ZMYND8: variants seen among roughly 807,000 people sequenced by gnomAD.
The protein encoded by ZMYND8 is MYND-type zinc finger-containing chromatin reader ZMYND8.
A neutral mutation model predicts 140.8 loss-of-function variants in ZMYND8; 37 were observed. That is an observed-to-expected ratio of 0.26 (90% CI 0.20 to 0.35). ZMYND8 has a LOEUF of 0.35. Ranked by LOEUF, ZMYND8 falls within the 10% of genes least tolerant of loss-of-function variation. The pLI, the probability that ZMYND8 is intolerant of heterozygous loss-of-function variation, is 1.00. For synonymous variants in ZMYND8, 592 were observed against 597.1 expected, an observed-to-expected ratio of 0.99 and a Z score of 0.12; for missense variants, 1,068 against 1,570.0, an observed-to-expected ratio of 0.68 and a Z score of 5.40.
At chr20:47,239,279 G>T in intron 14 of ZMYND8, 141 bp from the exon 15 acceptor site, 1 of 1,139,726 alleles carries the variant, frequency 8.8e-7, no homozygotes, top group Non-Finnish European at 1.2e-6. Flanking sequence ...AGCACACCGC[G>T]CTGGAGGAGT....
At chr20:47,242,025 G>A (rs1011622859) in intron 14 of ZMYND8, among the ~76,000 whole-genome samples, 4 of 151,934 alleles carry the variant, frequency 2.6e-5, no homozygotes, top group Non-Finnish European at 5.9e-5. Context: ...CACTGTGTTA[G>A]CCAGGATGGT....
chr20:47,262,953 G>C (rs2075263044), intron 11 of ZMYND8, among the ~76,000 whole-genome samples: 1 of 152,192 alleles, frequency 6.6e-6, no homozygotes, highest in African/African-American at 2.4e-5. Flanking sequence ...GCCAAACCCA[G>C]TACCAGATGG....
chr20:47,240,386 C>T (rs578007837), intron 14 of ZMYND8, among the ~76,000 whole-genome samples: 22 of 150,892 alleles, frequency 1.5e-4, no homozygotes, highest in Admixed American at 4.0e-4. Context: ...CGGTGGCAGG[C>T]GCCTGTAGTC....
intron 11 of ZMYND8, among the ~76,000 whole-genome samples, chr20:47,268,226 G>A (rs2075674365): frequency 6.6e-6 from 1 of 151,658 alleles, no homozygotes; most frequent in African/African-American, 2.4e-5. Flanking sequence ...GGAGGCGGAG[G>A]CAGATGCATC....
chr20:47,270,393 G>T lies in ZMYND8; in HGVS notation c.1480+5921C>A, dbSNP rs73130960. Among the ~76,000 whole-genome samples, 1,017 of 133,546 alleles carry T rather than the reference G, an allele frequency of 7.6e-3. 4 individuals carry two copies. The highest frequency in any genetic ancestry group is 0.013 in the East Asian group (62 of 4,610). 87.6% of individuals were successfully genotyped at this position (133,546 alleles called of 152,430 possible). A position where few individuals can be genotyped will look rare whatever the true frequency, so the allele number is the denominator to read the frequency against. ...CATCTCAAAAAAAAAAAAAAAAAAA[G>T]TTTTTTTAATGTATAAAAATAAAAA... On this transcript the variant is annotated intron_variant, in intron 11 of 22. Coordinates refer to ENST00000471951, the MANE Select transcript of ZMYND8 (RefSeq NM_001281775.3).
chr20:47,255,068 G>A (rs886587893), intron 12 of ZMYND8, among the ~76,000 whole-genome samples: 2 of 152,104 alleles, frequency 1.3e-5, no homozygotes, highest in Non-Finnish European at 2.9e-5. Context: ...GTTGCGGAGA[G>A]CCAGATCATG....
chr20:47,295,819 CA>C (rs1349288565), intron 4 of ZMYND8, among the ~76,000 whole-genome samples: 10 of 152,222 alleles, frequency 6.6e-5, no homozygotes, highest in Non-Finnish European at 1.5e-5. Context: ...CTTAAGGCTT[CA>C]GAATCCTTAT....
chr20:47,315,811 C>T (rs542880382), intron 2 of ZMYND8, among the ~76,000 whole-genome samples: 1 of 152,118 alleles, frequency 6.6e-6, no homozygotes, highest in Admixed American at 6.6e-5. Flanking sequence ...GGACCTGTGA[C>T]CCCGCCCGGC....
At chr20:47,353,037 C>T (rs899524667) in intron 1 of ZMYND8, 4 of 152,194 alleles carry the variant, frequency 2.6e-5, no homozygotes, top group Non-Finnish European at 5.9e-5. Context: ...ATTGAGGGTT[C>T]CCAGGCTGAC....
At chr20:47,328,556 C>G (rs1212635820) in intron 2 of ZMYND8, among the ~76,000 whole-genome samples, 1 of 151,854 alleles carries the variant, frequency 6.6e-6, no homozygotes, top group Non-Finnish European at 1.5e-5. Flanking sequence ...CTCTGCCTCC[C>G]AGGTTCAAGC....
chr20:47,213,662 G>GAA, intron 21 of ZMYND8, among the ~76,000 whole-genome samples: 1 of 152,182 alleles, frequency 6.6e-6, no homozygotes, highest in African/African-American at 2.4e-5. Context: ...CAAAAGAGGG[G>GAA]TCAAGAGATA....
intron 2 of ZMYND8, among the ~76,000 whole-genome samples, chr20:47,334,172 T>C (rs2081202172): frequency 6.6e-6 from 1 of 152,160 alleles, no homozygotes. Flanking sequence ...ATTGTTTGTT[T>C]ACCCTCGTGA....
intron 2 of ZMYND8, chr20:47,320,773 G>A (rs1302820992): frequency 6.6e-6 from 1 of 152,198 alleles, no homozygotes; most frequent in Non-Finnish European, 1.5e-5. Context: ...GTAGTGGGGT[G>A]ATTCTAAGAA....
intron 1 of ZMYND8, chr20:47,355,336 C>T (rs373807700): frequency 1.1e-5 from 6 of 534,894 alleles, no homozygotes; most frequent in Admixed American, 6.3e-5. Context: ...TTATTTTGTT[C>T]CTGCTAATGA....
chr20:47,343,175 C>CTTGGGAGGCTGAGGCAAGAGGACT (rs1307309471), intron 2 of ZMYND8, among the ~76,000 whole-genome samples: 52 of 152,064 alleles, frequency 3.4e-4, no homozygotes, highest in African/African-American at 1.3e-3. Flanking sequence ...GTCCCAGCTA[C>CTTGGGAGGCTGAGGCAAGAGGACT]TTGGGAGGCT....
chr20:47,231,863 C>T (rs1332082716), intron 16 of ZMYND8, among the ~76,000 whole-genome samples: 1 of 152,228 alleles, frequency 6.6e-6, no homozygotes, highest in Non-Finnish European at 1.5e-5. Flanking sequence ...GGTCACATTC[C>T]ACTTCAAAGA....
At chr20:47,237,148 CTCTT>C (rs1308074341) in intron 15 of ZMYND8, among the ~76,000 whole-genome samples, 11 of 144,324 alleles carry the variant, frequency 7.6e-5, no homozygotes, top group Non-Finnish European at 1.5e-4. Context: ...TTTGGCAGCG[CTCTT>C]TTTTTTTTTT....
chr20:47,221,224 C>A, intron 20 of ZMYND8, 90 bp downstream of exon 20: 4 of 1,524,388 alleles, frequency 2.6e-6, no homozygotes, highest in South Asian at 1.2e-5. Flanking sequence ...TCCCACAACA[C>A]GGAACTTTCA....
chr20:47,215,562 G>C (rs2035969141), intron 21 of ZMYND8, among the ~76,000 whole-genome samples: 1 of 151,040 alleles, frequency 6.6e-6, no homozygotes, highest in African/African-American at 2.4e-5. Flanking sequence ...CTGGAGTGCA[G>C]TGGCTATTCA....
Sources: allele counts gnomAD v4.1 joint callset (sites outside exome capture counted in the v4.1 genomes callset), GRCh38; gene constraint gnomAD v4.1.1; transcripts MANE v1.5; gene names NCBI Gene and HGNC (gene_info 2026-07-23, HGNC 2026-07-21).